Variants in CHRM3 observed in about 807,000 individuals in gnomAD.
CHRM3 encodes the protein cholinergic receptor muscarinic 3.
A neutral mutation model predicts 41.8 loss-of-function variants in CHRM3; 11 were observed. The observed-to-expected ratio is 0.26, with a 90% CI of 0.17 to 0.44. The LOEUF (loss-of-function observed/expected upper bound fraction) is 0.44, where lower values mean the gene tolerates loss of function less well. Among genes scored for constraint, CHRM3 ranks in the 20% least tolerant of loss-of-function variants. CHRM3 has a pLI of 1.00. For synonymous variants in CHRM3, 297 were observed against 301.4 expected (o/e 0.99, Z 0.15); for missense variants, 571 against 745.4 (o/e 0.77, Z 2.72).
In CHRM3 at chr1:239,755,387, A is replaced by G. The variant is rs568855334; in HGVS notation, c.-146-71865A>G. ...AAATATCTAGGGCATAGTAAAAGCAATAAAGTTCCTGATTTTTATGCCGAT... is the reference window on the plus strand; with the variant it reads ...AAATATCTAGGGCATAGTAAAAGCAGTAAAGTTCCTGATTTTTATGCCGAT... On this transcript the variant is annotated intron_variant, in intron 5 of 6. Transcript: ENST00000676153. Among the ~76,000 whole-genome samples, 9 of 152,330 alleles carry G rather than the reference A, an allele frequency of 5.9e-5. No homozygotes were observed. The East Asian group carries it at 1.4e-3, about 23-fold the overall frequency.
chr1:239,658,162 T>C (rs1386227711), intron 4 of CHRM3, among the ~76,000 whole-genome samples: 1 of 152,240 alleles, frequency 6.6e-6, no homozygotes, highest in Non-Finnish European at 1.5e-5. Flanking sequence ...TCTAGTCTTT[T>C]AATCTGAGTG....
chr1:239,567,264 G>A (rs111552417), intron 3 of CHRM3, among the ~76,000 whole-genome samples: 3 of 151,426 alleles, frequency 2.0e-5, no homozygotes, highest in African/African-American at 7.3e-5. Context: ...TTGAGCCCAG[G>A]GGTTCAAGTC....
chr1:239,634,951 A>G (rs1281428456), intron 4 of CHRM3, among the ~76,000 whole-genome samples: 1 of 152,242 alleles, frequency 6.6e-6, no homozygotes, highest in East Asian at 1.9e-4. Context: ...TGCTGTTAGT[A>G]CAAAATAATA....
At chr1:239,610,190 C>CAACAAAA (rs1666856700) in intron 3 of CHRM3, among the ~76,000 whole-genome samples, 1 of 77,898 alleles carries the variant, frequency 1.3e-5, no homozygotes. Context: ...AAGACTCTGT[C>CAACAAAA]AAAAAAAAAA....
chr1:239,543,729 C>G (rs1230644069), intron 2 of CHRM3, among the ~76,000 whole-genome samples: 1 of 152,026 alleles, frequency 6.6e-6, no homozygotes, highest in Admixed American at 6.6e-5. Context: ...AGGATGGTCT[C>G]GATCTCCTGA....
intron 5 of CHRM3, among the ~76,000 whole-genome samples, chr1:239,818,851 G>T (rs939995070): frequency 6.6e-6 from 1 of 152,192 alleles, no homozygotes; most frequent in African/African-American, 2.4e-5. Flanking sequence ...TCCTAACAGG[G>T]TTAAAGCTAA....
intron 4 of CHRM3, among the ~76,000 whole-genome samples, chr1:239,641,026 CAGT>C (rs1671080404): frequency 6.6e-6 from 1 of 151,962 alleles, no homozygotes; most frequent in African/African-American, 2.4e-5. Context: ...GTTATGTACC[CAGT>C]AGTCATTCAG....
chr1:239,481,859 T>C (rs1396074175), intron 1 of CHRM3, among the ~76,000 whole-genome samples: 1 of 151,968 alleles, frequency 6.6e-6, no homozygotes, highest in African/African-American at 2.4e-5. Flanking sequence ...TTGGGGGAAA[T>C]AATGAACTGG....
At position 239,814,819 on chromosome 1, in the gene CHRM3, G is replaced by A. The variant is rs142111391; in HGVS notation, c.-146-12433G>A. 4.4e-3 allele frequency among the ~76,000 whole-genome samples: 673 copies of A among 152,164 alleles called. 6 individuals carry two copies. Among genetic ancestry groups the A allele is most frequent in the African/African-American group, 0.016 (648 of 41,506 alleles). On this transcript the variant is annotated intron_variant, in intron 5 of 6. Transcript: ENST00000676153. ...CTTTTTTGAGACACAGTCTTTCTCT[G>A]TCGCCCAGACTAGAGGGCAGTGATG...
chr1:239,572,909 G>A (rs79645667), intron 3 of CHRM3, among the ~76,000 whole-genome samples: 12,093 of 152,190 alleles, frequency 0.079, 824 homozygotes, highest in African/African-American at 0.18. Context: ...GTCTGTGATT[G>A]TTTATATCCC....
At chr1:239,638,646 G>GT (rs1233564725) in intron 4 of CHRM3, among the ~76,000 whole-genome samples, 1 of 152,156 alleles carries the variant, frequency 6.6e-6, no homozygotes, top group Non-Finnish European at 1.5e-5. Flanking sequence ...TGAGTTCACT[G>GT]TAGATTCTGG....
intron 6 of CHRM3, among the ~76,000 whole-genome samples, chr1:239,864,971 T>G (rs12058708): frequency 0.041 from 6,249 of 152,202 alleles, 439 homozygotes; most frequent in African/African-American, 0.14. Flanking sequence ...CTATCACACT[T>G]ATAAATGCAC....
intron 2 of CHRM3, among the ~76,000 whole-genome samples, chr1:239,544,697 C>A (rs886694824): frequency 6.6e-6 from 1 of 151,742 alleles, no homozygotes; most frequent in Non-Finnish European, 1.5e-5. Context: ...GTGCCAGGCA[C>A]TATATTTCAA....
chr1:239,407,846 A>T (rs1278700813), intron 1 of CHRM3, among the ~76,000 whole-genome samples: 1 of 152,228 alleles, frequency 6.6e-6, no homozygotes, highest in Non-Finnish European at 1.5e-5. Context: ...ATACATTAAA[A>T]AGGAAGTAAA....
chr1:239,892,774 G>A (rs1377437470), intron 6 of CHRM3, among the ~76,000 whole-genome samples: 1 of 152,122 alleles, frequency 6.6e-6, no homozygotes, highest in Non-Finnish European at 1.5e-5. Context: ...AGTGTCTCAT[G>A]CACCTTCCTG....
At chr1:239,569,405 A>T (rs949669918) in intron 3 of CHRM3, among the ~76,000 whole-genome samples, 2 of 152,180 alleles carry the variant, frequency 1.3e-5, no homozygotes, top group African/African-American at 4.8e-5. Flanking sequence ...AATGACTCAG[A>T]TGGCTGCTAA....
At chr1:239,647,581 C>T (rs12063338) in intron 4 of CHRM3, among the ~76,000 whole-genome samples, 41,256 of 151,948 alleles carry the variant, frequency 0.27, 5,766 homozygotes, top group Admixed American at 0.3. Flanking sequence ...TTTTACTTAA[C>T]TTGACCTTCA....
At chr1:239,465,219 C>G (rs1017757775) in intron 1 of CHRM3, among the ~76,000 whole-genome samples, 2 of 152,074 alleles carry the variant, frequency 1.3e-5, no homozygotes, top group African/African-American at 2.4e-5. Context: ...TCTCTCAGTT[C>G]ACAGAGAGCT....
intron 1 of CHRM3, among the ~76,000 whole-genome samples, chr1:239,404,350 GAGAA>G (rs1178581793): frequency 0.025 from 1,732 of 68,660 alleles, 88 homozygotes; most frequent in Middle Eastern, 0.037. Context: ...GAAAGAGAAA[GAGAA>G]AGAAAGAAAG....
Sources: gnomAD v4.1 joint callset for allele counts (sites outside exome capture counted in the v4.1 genomes callset) on GRCh38, gnomAD v4.1.1 for gene constraint, MANE v1.5 for transcripts, NCBI Gene and HGNC (gene_info 2026-07-23, HGNC 2026-07-21) for gene names.